Variants in GAREM1 observed in about 807,000 individuals in gnomAD.
GAREM1 encodes GRB2-associated and regulator of MAPK protein 1.
Under a neutral mutation model 71.3 loss-of-function variants are expected in GAREM1, and 26 were observed. That is an observed-to-expected ratio of 0.36 (90% CI 0.27 to 0.51). The LOEUF (loss-of-function observed/expected upper bound fraction) is 0.51. Ranked by LOEUF, GAREM1 falls within the 20% of genes least tolerant of loss-of-function variation. The probability of loss-of-function intolerance (pLI) is 0.95; values close to 1 mark genes in which losing one functional copy is unlikely to be tolerated. For synonymous variants in GAREM1, 440 were observed against 433.2 expected (o/e 1.02, Z -0.20); for missense variants, 1,026 against 1,103.1 (o/e 0.93, Z 0.99).
chr18:32,367,998 T>C (rs2047942129), intron 2 of GAREM1, among the ~76,000 whole-genome samples: 1 of 152,178 alleles, frequency 6.6e-6, no homozygotes, highest in South Asian at 2.1e-4. Flanking sequence ...CACTTTTCTC[T>C]AAACATCTCC....
chr18:32,432,612 T>C (rs1378923399), intron 1 of GAREM1, among the ~76,000 whole-genome samples: 1 of 152,024 alleles, frequency 6.6e-6, no homozygotes, highest in Admixed American at 6.6e-5. Flanking sequence ...AGAGGGAATG[T>C]CACTACTGAT....
chr18:32,353,104 A>G (rs1156726112), intron 2 of GAREM1, among the ~76,000 whole-genome samples: 1 of 152,232 alleles, frequency 6.6e-6, no homozygotes, highest in Admixed American at 6.5e-5. Flanking sequence ...GTGATTTTCT[A>G]TTTAGAATGA....
chr18:32,455,229 C>A (rs1377164722), intron 1 of GAREM1, among the ~76,000 whole-genome samples: 1 of 151,944 alleles, frequency 6.6e-6, no homozygotes, highest in Non-Finnish European at 1.5e-5. Flanking sequence ...ATGTAGATTT[C>A]ATTCTGGTCT....
At position 32,264,446 on chromosome 18, in the gene GAREM1, C is replaced by T. The variant is rs1463533095; in HGVS notation, c.*3425G>A. On this transcript the variant is annotated 3_prime_UTR_variant, in exon 6 of 6. Transcript: ENST00000269209. ...GGACCCTCCATCCTTCCACACCCCA[C>T]CTCCCATCCCTGGACTTCTCAGGGA... The T allele has an allele frequency of 6.6e-6, 1 of 152,218 alleles. No individual in the cohort carries two copies. Among genetic ancestry groups the T allele is most frequent in the Non-Finnish European group, 1.5e-5 (1 of 68,052 alleles). The allele number at this position is 152,218 out of a possible 1,614,324, so 9.4% of individuals were successfully genotyped here.
chr18:32,288,005 G>C lies in GAREM1; in HGVS notation c.592C>G (p.Leu198Val). 6.2e-7 allele frequency: 1 copy of C among 1,614,106 alleles called. No homozygotes were observed. Among genetic ancestry groups the C allele is most frequent in the Non-Finnish European group, 8.5e-7 (1 of 1,180,026 alleles). Residue 198 changes from leucine to valine, a missense_variant, in exon 4 of 6, where the codon CTC (leucine) becomes GTC (valine). Leu to Val is a conservative substitution (Grantham distance 32). This residue lies in a region of GAREM1 where 218 missense variants were observed against 296.8 expected (regional missense o/e 0.73). Transcript: ENST00000269209. ...TTGGTCCGGTGATTCATACAAATGAGGCACGGCATTTTGCCTTTTCCCAGC... is the reference window on the plus strand; with the variant it reads ...TTGGTCCGGTGATTCATACAAATGACGCACGGCATTTTGCCTTTTCCCAGC... ...SKLGKGKMPC[L>V]ICMNHRTNES...
intron 1 of GAREM1, among the ~76,000 whole-genome samples, chr18:32,418,830 CAAT>C (rs1205009746): frequency 1.3e-5 from 2 of 152,092 alleles, no homozygotes; most frequent in African/African-American, 4.8e-5. Context: ...GACTCAAGAC[CAAT>C]AATCAGCGTA....
intron 1 of GAREM1, among the ~76,000 whole-genome samples, chr18:32,428,874 T>C (rs1568007922): frequency 1.3e-5 from 2 of 152,190 alleles, no homozygotes; most frequent in South Asian, 2.1e-4. Flanking sequence ...CTTTGCTGCA[T>C]TCTTGCCCCT....
intron 1 of GAREM1, among the ~76,000 whole-genome samples, chr18:32,435,068 C>T (rs2048661711): frequency 6.6e-6 from 1 of 152,008 alleles, no homozygotes; most frequent in Non-Finnish European, 1.5e-5. Context: ...ACAACCTCAA[C>T]ACAATCAAGA....
Position 32,388,722 on chromosome 18 carries a change from C to G in GAREM1, c.262+4173G>C, listed in dbSNP as rs1031777783. On this transcript the variant is annotated intron_variant, in intron 2 of 5. Transcript: ENST00000269209. Reference sequence around the variant, plus strand: ...TGTATTCTTTAAAAAATGTCTATATCACGAAAGACAAAGACGGCTGAGGAA... The same window carrying G: ...TGTATTCTTTAAAAAATGTCTATATGACGAAAGACAAAGACGGCTGAGGAA... 1.4e-4 allele frequency among the ~76,000 whole-genome samples: 22 copies of G among 152,202 alleles called. No homozygotes were observed. The East Asian group carries it at 2.7e-3, about 19-fold the overall frequency.
At chr18:32,286,934 A>G in intron 4 of GAREM1, 97 bp downstream of exon 4, 1 of 877,112 alleles carries the variant, frequency 1.1e-6, no homozygotes. Flanking sequence ...CTCACTCTGC[A>G]ATCTTCAGTT....
At chr18:32,292,173 T>C (rs1030209158) in intron 3 of GAREM1, among the ~76,000 whole-genome samples, 7 of 152,222 alleles carry the variant, frequency 4.6e-5, no homozygotes, top group Non-Finnish European at 1.0e-4. Flanking sequence ...GATTTTTAAA[T>C]GACTGCCATT....
At chr18:32,397,589 A>G (rs958266584) in intron 1 of GAREM1, among the ~76,000 whole-genome samples, 2 of 152,254 alleles carry the variant, frequency 1.3e-5, no homozygotes, top group Non-Finnish European at 2.9e-5. Flanking sequence ...GATCAATTCA[A>G]CAAGAAGAGC....
chr18:32,324,423 A>G (rs564448013), intron 2 of GAREM1, among the ~76,000 whole-genome samples: 3 of 152,320 alleles, frequency 2.0e-5, no homozygotes, highest in Admixed American at 6.5e-5. Context: ...GAGGAGAGAC[A>G]ATAATACAAG....
At chr18:32,280,878 C>G (rs1454472558) in intron 4 of GAREM1, among the ~76,000 whole-genome samples, 1 of 152,084 alleles carries the variant, frequency 6.6e-6, no homozygotes, top group African/African-American at 2.4e-5. Context: ...TCCCACCCAC[C>G]TTCTGACTCT....
At chr18:32,283,661 A>C (rs1346704899) in intron 4 of GAREM1, among the ~76,000 whole-genome samples, 1 of 152,244 alleles carries the variant, frequency 6.6e-6, no homozygotes, top group African/African-American at 2.4e-5. Flanking sequence ...AGAGGACTAG[A>C]GCATCAAATG....
intron 4 of GAREM1, among the ~76,000 whole-genome samples, chr18:32,284,216 G>A (rs1454013937): frequency 2.6e-5 from 4 of 152,178 alleles, no homozygotes; most frequent in Non-Finnish European, 5.9e-5. Context: ...GACTTCATTT[G>A]AAATGCCTAA....
intron 1 of GAREM1, among the ~76,000 whole-genome samples, chr18:32,396,233 G>A (rs1202796649): frequency 4.6e-5 from 7 of 152,170 alleles, no homozygotes; most frequent in Non-Finnish European, 1.0e-4. Flanking sequence ...CAGAAAAGCT[G>A]AAAACTCTAA....
At chr18:32,367,372 A>G (rs550809319) in intron 2 of GAREM1, among the ~76,000 whole-genome samples, 1 of 152,358 alleles carries the variant, frequency 6.6e-6, no homozygotes, top group Non-Finnish European at 1.5e-5. Flanking sequence ...CACAGAGGCA[A>G]TAAACTTGTC....
chr18:32,446,405 C>T (rs1022177891), intron 1 of GAREM1, among the ~76,000 whole-genome samples: 1 of 152,144 alleles, frequency 6.6e-6, no homozygotes, highest in African/African-American at 2.4e-5. Flanking sequence ...CTCTACTTCA[C>T]CTATAAACAC....
Sources: allele counts gnomAD v4.1 joint callset (sites outside exome capture counted in the v4.1 genomes callset), GRCh38; gene constraint gnomAD v4.1.1; regional missense constraint gnomAD v4.1.1; transcripts MANE v1.5; gene names NCBI Gene and HGNC (gene_info 2026-07-23, HGNC 2026-07-21).